The following NTF3 variants were observed in gnomAD, a reference collection of about 807,000 sequenced individuals.
NTF3 encodes neurotrophin-3.
Under a neutral mutation model 26.3 loss-of-function variants are expected in NTF3, and 8 were observed. The observed-to-expected ratio is 0.30, with a 90% CI of 0.18 to 0.55. NTF3 has a LOEUF of 0.55. Ranked by LOEUF, NTF3 falls within the 20% of genes least tolerant of loss-of-function variation. NTF3 has a pLI of 0.93. For synonymous variants in NTF3, 154 were observed against 145.5 expected (o/e 1.06, Z -0.42); for missense variants, 276 against 352.9 (o/e 0.78, Z 1.75).
chr12:5,448,093 A>T (rs567192969), intron 1 of NTF3, among the ~76,000 whole-genome samples: 1 of 152,278 alleles, frequency 6.6e-6, no homozygotes. Flanking sequence ...ACACACTTGC[A>T]CCTGTATCTG....
At chr12:5,443,907 A>G (rs1040812384) in intron 1 of NTF3, among the ~76,000 whole-genome samples, 2 of 152,190 alleles carry the variant, frequency 1.3e-5, no homozygotes, top group Non-Finnish European at 2.9e-5. Flanking sequence ...GAGAGAGTAC[A>G]AGAGAGAAAG....
intron 1 of NTF3, among the ~76,000 whole-genome samples, chr12:5,465,934 A>G (rs1414541906): frequency 2.0e-5 from 3 of 152,214 alleles, no homozygotes; most frequent in African/African-American, 4.8e-5. Context: ...TTCTCTTTAT[A>G]GCTCCCCATC....
intron 1 of NTF3, among the ~76,000 whole-genome samples, chr12:5,492,229 C>T (rs1397855113): frequency 2.0e-5 from 3 of 152,332 alleles, no homozygotes; most frequent in African/African-American, 7.2e-5. Flanking sequence ...CCTCACTAAT[C>T]TGTACCTTGA....
chr12:5,491,092 G>A (rs1397030572), intron 1 of NTF3, among the ~76,000 whole-genome samples: 4 of 152,262 alleles, frequency 2.6e-5, no homozygotes, highest in East Asian at 1.9e-4. Flanking sequence ...TTGCGCCTAC[G>A]AACCAAATGC....
intron 1 of NTF3, among the ~76,000 whole-genome samples, chr12:5,445,284 AATG>A (rs1475489479): frequency 7.6e-6 from 1 of 131,430 alleles, no homozygotes; most frequent in African/African-American, 2.9e-5. Context: ...CCTTGGATTA[AATG>A]ATGTGTGTGT....
intron 1 of NTF3, among the ~76,000 whole-genome samples, chr12:5,472,220 A>G (rs191587900): frequency 7.2e-5 from 11 of 152,288 alleles, no homozygotes; most frequent in Non-Finnish European, 1.5e-4. Flanking sequence ...GTTGGGTGAA[A>G]GAAGGGCAGT....
chr12:5,477,680 ATTCGTGAGCC>A (rs1940741415), intron 1 of NTF3, among the ~76,000 whole-genome samples: 1 of 152,194 alleles, frequency 6.6e-6, no homozygotes, highest in Non-Finnish European at 1.5e-5. Flanking sequence ...TGCTATAATT[ATTCGTGAGCC>A]TTCACTAAGT....
At chr12:5,489,323 C>T (rs1407867112) in intron 1 of NTF3, among the ~76,000 whole-genome samples, 1 of 152,192 alleles carries the variant, frequency 6.6e-6, no homozygotes, top group African/African-American at 2.4e-5. Flanking sequence ...GTCCTGGCTC[C>T]AGGCTTGGAG....
At chr12:5,487,117 A>G (rs1312367950) in intron 1 of NTF3, among the ~76,000 whole-genome samples, 1 of 152,174 alleles carries the variant, frequency 6.6e-6, no homozygotes, top group African/African-American at 2.4e-5. Flanking sequence ...GATAAAGTAA[A>G]CCTGAGTTTC....
At chr12:5,434,010 C>G (rs534512756) in intron 1 of NTF3, among the ~76,000 whole-genome samples, 1 of 152,174 alleles carries the variant, frequency 6.6e-6, no homozygotes, top group Non-Finnish European at 1.5e-5. Context: ...AACATGGAAG[C>G]GCTCTGTCCT....
Position 5,432,286 on chromosome 12 carries a change from C to G in NTF3, c.-39C>G, listed in dbSNP as rs201590040. 4.6e-4 allele frequency: 742 copies of G among 1,613,152 alleles called. 2 individuals carry two copies. Among genetic ancestry groups the G allele is most frequent in the Non-Finnish European group, 1.7e-4 (201 of 1,179,578 alleles). ...TGACCGAGCTCGCGTCCACCTTTCT[C>G]TTCATGTCGACGTCCCTGGAAACGG... On this transcript the variant is annotated 5_prime_UTR_variant, in exon 1 of 2. Coordinates refer to ENST00000423158, the MANE Select transcript of NTF3 (RefSeq NM_001102654.2).
At chr12:5,432,942 C>T (rs931535686) in intron 1 of NTF3, among the ~76,000 whole-genome samples, 1 of 152,152 alleles carries the variant, frequency 6.6e-6, no homozygotes, top group African/African-American at 2.4e-5. Context: ...TCTCAGCTCG[C>T]CCCAGCACCA....
chr12:5,432,917 G>A (rs1208386979), intron 1 of NTF3, among the ~76,000 whole-genome samples: 1 of 152,072 alleles, frequency 6.6e-6, no homozygotes, highest in African/African-American at 2.4e-5. Flanking sequence ...CACTCTGCCG[G>A]CCGCTGAGCC....
At chr12:5,457,973 C>G (rs1163333263) in intron 1 of NTF3, among the ~76,000 whole-genome samples, 1 of 152,128 alleles carries the variant, frequency 6.6e-6, no homozygotes, top group Non-Finnish European at 1.5e-5. Context: ...TAATCAAAAC[C>G]ACCATTGTCT....
At chr12:5,434,939 T>C (rs1940148712) in intron 1 of NTF3, among the ~76,000 whole-genome samples, 1 of 152,004 alleles carries the variant, frequency 6.6e-6, no homozygotes, top group African/African-American at 2.4e-5. Context: ...TAGAAAAGTG[T>C]GAGCTCAGAT....
rs190377748 is a variant in NTF3, at chr12:5,452,974, A to C, written c.18+20632A>C. ...AGAAGCCGGGCTGACTTGGCTGTGA[A>C]TCCCAGCTCCATCACTTGCTGGCCA... On this transcript the variant is annotated intron_variant, in intron 1 of 1. Coordinates refer to ENST00000423158, the MANE Select transcript of NTF3 (RefSeq NM_001102654.2). 3.4e-3 allele frequency among the ~76,000 whole-genome samples: 521 copies of C among 152,308 alleles called. 4 individuals carry two copies. Among genetic ancestry groups the C allele is most frequent in the African/African-American group, 0.012 (485 of 41,566 alleles).
intron 1 of NTF3, among the ~76,000 whole-genome samples, chr12:5,444,990 C>A (rs1940286118): frequency 6.6e-6 from 1 of 152,104 alleles, no homozygotes; most frequent in Non-Finnish European, 1.5e-5. Flanking sequence ...ATTAAAATAT[C>A]TGATATTTTA....
chr12:5,461,527 C>G (rs554192527), intron 1 of NTF3, among the ~76,000 whole-genome samples: 1 of 152,236 alleles, frequency 6.6e-6, no homozygotes, highest in South Asian at 2.1e-4. Flanking sequence ...CCTGCCTAAA[C>G]CCTGAAAGCA....
At chr12:5,464,616 C>T (rs1940566203) in intron 1 of NTF3, among the ~76,000 whole-genome samples, 1 of 152,142 alleles carries the variant, frequency 6.6e-6, no homozygotes, top group African/African-American at 2.4e-5. Flanking sequence ...TGGGTGGGGC[C>T]TGAGAATCTG....
Sources: allele counts gnomAD v4.1 joint callset (sites outside exome capture counted in the v4.1 genomes callset), GRCh38; gene constraint gnomAD v4.1.1; transcripts MANE v1.5; gene names NCBI Gene and HGNC (gene_info 2026-07-23, HGNC 2026-07-21).